Variants in CTTNBP2 observed in about 807,000 individuals in gnomAD.
CTTNBP2 encodes the protein cortactin-binding protein 2.
A neutral mutation model predicts 156.9 loss-of-function variants in CTTNBP2; 108 were observed. The ratio of observed to expected loss-of-function variants is 0.69; its 90% CI spans 0.59 to 0.81. CTTNBP2 has a LOEUF of 0.81. Among genes scored for constraint, CTTNBP2 ranks in the 30% least tolerant of loss-of-function variants. CTTNBP2 has a pLI of 0.00. For synonymous variants in CTTNBP2, 767 were observed against 751.8 expected (o/e 1.02, Z -0.33); for missense variants, 1,924 against 2,035.4 (o/e 0.95, Z 1.05).
intron 1 of CTTNBP2, among the ~76,000 whole-genome samples, chr7:117,866,445 G>T (rs1274444295): frequency 6.6e-6 from 1 of 152,134 alleles, no homozygotes; most frequent in Admixed American, 6.5e-5. Flanking sequence ...ATATGTTGGT[G>T]ACCAAACACA....
chr7:117,770,165 A>T (rs1323552158), intron 8 of CTTNBP2, among the ~76,000 whole-genome samples: 1 of 152,236 alleles, frequency 6.6e-6, no homozygotes, highest in Admixed American at 6.5e-5. Flanking sequence ...TAATCTCAAG[A>T]CAATTTAAGT....
intron 2 of CTTNBP2, among the ~76,000 whole-genome samples, chr7:117,812,611 TA>T (rs1199455249): frequency 1.3e-5 from 2 of 152,142 alleles, no homozygotes. Context: ...ACTTTAAACT[TA>T]AAAGGTAAGG....
intron 6 of CTTNBP2, 145 bp downstream of exon 6, chr7:117,782,717 T>A: frequency 1.6e-6 from 1 of 608,562 alleles, no homozygotes; most frequent in East Asian, 2.8e-5. Flanking sequence ...TAGTTTGCAT[T>A]TAAATCCTCA....
chr7:117,782,930 G>T lies in CTTNBP2; in HGVS notation c.2304C>A (p.Ala768=). ...CATTTTTATCAGCAGCATTGACTTGGGCTTCTGCACTCAGCAGCAATCTCA... is the reference window on the plus strand; with the variant it reads ...CATTTTTATCAGCAGCATTGACTTGTGCTTCTGCACTCAGCAGCAATCTCA... ...DCVRLLLSAE[A]QVNAADKNGF... The change falls in exon 6 of 23, where the codon GCC becomes GCA. Residue 768 remains alanine (A), a synonymous_variant. Coordinates refer to ENST00000160373, the MANE Select transcript of CTTNBP2 (RefSeq NM_033427.3). 2 of 1,613,972 alleles carry T rather than the reference G, an allele frequency of 1.2e-6. No homozygotes were observed. The highest frequency in any genetic ancestry group is 1.7e-6 in the Non-Finnish European group (2 of 1,179,914).
In CTTNBP2 at chr7:117,833,619, A is replaced by G. The variant is rs370777617; in HGVS notation, c.190-22630T>C. 2.4e-3 allele frequency among the ~76,000 whole-genome samples: 364 copies of G among 152,260 alleles called. 2 individuals carry two copies. Among genetic ancestry groups the G allele is most frequent in the Admixed American group, 3.1e-3 (48 of 15,288 alleles). ...AATGCTGAGCCCATTCTCCTTGATCACTATATGTTGTACGTAGATCCTCAC... is the reference window on the plus strand; with the variant it reads ...AATGCTGAGCCCATTCTCCTTGATCGCTATATGTTGTACGTAGATCCTCAC... On this transcript the variant is annotated intron_variant, in intron 2 of 22. Coordinates refer to ENST00000160373, the MANE Select transcript of CTTNBP2 (RefSeq NM_033427.3).
intron 2 of CTTNBP2, among the ~76,000 whole-genome samples, chr7:117,856,398 C>T (rs1310339741): frequency 6.6e-6 from 1 of 152,168 alleles, no homozygotes; most frequent in Non-Finnish European, 1.5e-5. Flanking sequence ...ATGGAGCTGC[C>T]TCTCCAGCTG....
intron 2 of CTTNBP2, among the ~76,000 whole-genome samples, chr7:117,821,588 AT>A (rs61303861): frequency 0.023 from 3,097 of 134,618 alleles, 59 homozygotes; most frequent in African/African-American, 0.075. Context: ...TCTGTTTAGG[AT>A]TTTTTTTTTT....
At chr7:117,865,339 G>A (rs1408749204) in intron 1 of CTTNBP2, among the ~76,000 whole-genome samples, 2 of 151,730 alleles carry the variant, frequency 1.3e-5, no homozygotes, top group Non-Finnish European at 2.9e-5. Context: ...CTATTTTTTA[G>A]TGATGAAAAG....
At chr7:117,850,161 A>C (rs1181498657) in intron 2 of CTTNBP2, among the ~76,000 whole-genome samples, 1 of 152,180 alleles carries the variant, frequency 6.6e-6, no homozygotes, top group Non-Finnish European at 1.5e-5. Context: ...ATGTCTCTTC[A>C]CCTTGAATCT....
At chr7:117,762,710 C>T (rs750673475) in intron 9 of CTTNBP2, among the ~76,000 whole-genome samples, 27 of 152,218 alleles carry the variant, frequency 1.8e-4, no homozygotes, top group Non-Finnish European at 2.8e-4. Flanking sequence ...CTCCTACAAT[C>T]GAACACTGCA....
At position 117,873,301 on chromosome 7, in the gene CTTNBP2, A is replaced by ACTAG. The variant is rs1165489117; in HGVS notation, c.81+30_81+33dup. 4 of 1,405,378 alleles carry ACTAG rather than the reference A, an allele frequency of 2.8e-6. No individual in the cohort carries two copies. The South Asian group carries it at 6.0e-5, about 21-fold the overall frequency. 87.1% of individuals were successfully genotyped at this position (1,405,378 alleles called of 1,614,324 possible). A position where few individuals can be genotyped will look rare whatever the true frequency, so the allele number is the denominator to read the frequency against. On this transcript the variant is annotated intron_variant, in intron 1 of 22. Transcript: ENST00000160373. ...GGCGCCGCCCCCGGCCCGCGTCTAC[A>ACTAG]CTAGCCCCGCGCCCGCCCCGGGAAC...
chr7:117,810,772 T>G lies in CTTNBP2; in HGVS notation c.407A>C (p.Gln136Pro). 1 of 1,612,904 alleles carries G rather than the reference T, an allele frequency of 6.2e-7. No individual in the cohort carries two copies. The highest frequency in any genetic ancestry group is 8.5e-7 in the Non-Finnish European group (1 of 1,179,914). ...SAQLAAAESR[Q>P]KKLEMEKLQL... is the part of the protein sequence containing the mutation. ...ATTTGAACGCCTCAATACCTTCTTT[T>G]GTCTGCTCTCAGCAGCAGCCAGCTG... Residue 136 changes from glutamine (Q) to proline (P), a missense_variant, in exon 3 of 23, where the codon CAA (glutamine) becomes CCA (proline). Coordinates refer to ENST00000160373, the MANE Select transcript of CTTNBP2 (RefSeq NM_033427.3).
intron 12 of CTTNBP2, among the ~76,000 whole-genome samples, chr7:117,749,701 CT>C (rs372576044): frequency 6.6e-6 from 1 of 151,800 alleles, no homozygotes; most frequent in African/African-American, 2.4e-5. Flanking sequence ...TGGTATAAAT[CT>C]TTTTTTATTT....
At chr7:117,802,472 C>CA (rs1201118426) in intron 3 of CTTNBP2, among the ~76,000 whole-genome samples, 14 of 113,640 alleles carry the variant, frequency 1.2e-4, no homozygotes, top group Non-Finnish European at 1.8e-4. Context: ...AACAAACAAA[C>CA]AAAAAAACAA....
At chr7:117,731,465 T>C (rs377205663) in intron 16 of CTTNBP2, among the ~76,000 whole-genome samples, 12 of 152,332 alleles carry the variant, frequency 7.9e-5, no homozygotes, top group African/African-American at 2.9e-4. Flanking sequence ...GGCCTGTCTT[T>C]CCATGAGAAC....
intron 14 of CTTNBP2, among the ~76,000 whole-genome samples, chr7:117,742,041 A>G (rs1331834922): frequency 6.6e-6 from 1 of 152,230 alleles, no homozygotes; most frequent in Non-Finnish European, 1.5e-5. Context: ...CGTTGCCTTG[A>G]CATACAGTTG....
intron 16 of CTTNBP2, among the ~76,000 whole-genome samples, chr7:117,734,561 T>C (rs1366760348): frequency 3.9e-5 from 6 of 152,210 alleles, no homozygotes; most frequent in Non-Finnish European, 7.3e-5. Context: ...ACAGGCCTGT[T>C]GTAAAATGTG....
intron 2 of CTTNBP2, among the ~76,000 whole-genome samples, chr7:117,816,917 TGG>T (rs1800611283): frequency 6.6e-6 from 1 of 152,080 alleles, no homozygotes; most frequent in South Asian, 2.1e-4. Flanking sequence ...ACTTGGTTTA[TGG>T]ATCAGAATTA....
intron 2 of CTTNBP2, among the ~76,000 whole-genome samples, chr7:117,846,198 C>G (rs1460279496): frequency 6.6e-6 from 1 of 152,100 alleles, no homozygotes; most frequent in East Asian, 1.9e-4. Flanking sequence ...AATGGAAAAA[C>G]AGCTGATGAC....
Sources: allele counts gnomAD v4.1 joint callset (sites outside exome capture counted in the v4.1 genomes callset), GRCh38; gene constraint gnomAD v4.1.1; transcripts MANE v1.5; gene names NCBI Gene and HGNC (gene_info 2026-07-23, HGNC 2026-07-21).